SERPINB13: variants seen among roughly 807,000 people sequenced by gnomAD.
SERPINB13 encodes the protein serpin B13.
Under a neutral mutation model 31.2 loss-of-function variants are expected in SERPINB13, and 26 were observed. That is an observed-to-expected ratio of 0.83 (90% CI 0.61 to 1.15). SERPINB13 has a LOEUF of 1.15. Among genes scored for constraint, SERPINB13 ranks in the 50% most tolerant of loss-of-function variants. SERPINB13 has a pLI of 0.00. For missense variants in SERPINB13, 510 were observed against 469.4 expected (o/e 1.09, Z -0.80); for synonymous variants, 191 against 172.4 (o/e 1.11, Z -0.85).
At chr18:63,594,991 T>G in intron 6 of SERPINB13, 38 bp from the exon 7 acceptor site, 1 of 1,568,830 alleles carries the variant, frequency 6.4e-7, no homozygotes, top group South Asian at 1.2e-5. Context: ...TTTGGTCTTA[T>G]GTCCTTTGAT....
Position 63,596,748 on chromosome 18 carries a change from A to G in SERPINB13, c.772-211A>G, listed in dbSNP as rs1054572593. 8.5e-5 allele frequency among the ~76,000 whole-genome samples: 13 copies of G among 152,230 alleles called. No homozygotes were observed. The East Asian group carries it at 9.6e-4, about 11-fold the overall frequency. ...TTTTTAATCTTTAAAAATGTATTCA[A>G]TGCTATTGGATTTCCACATATACAC... On this transcript the variant is annotated intron_variant, in intron 7 of 7. Transcript: ENST00000344731.
intron 1 of SERPINB13, 91 bp from the exon 2 acceptor site, chr18:63,588,560 C>A (rs566741536): frequency 1.5e-6 from 2 of 1,307,616 alleles, no homozygotes; most frequent in Admixed American, 1.9e-5. Context: ...TATTCCGGAT[C>A]GATGCAAGAA....
At chr18:63,595,912 A>G (rs886661743) in intron 7 of SERPINB13, among the ~76,000 whole-genome samples, 4 of 134,356 alleles carry the variant, frequency 3.0e-5, no homozygotes, top group Non-Finnish European at 6.9e-5. Flanking sequence ...TTAAATAAAT[A>G]AATAAATAAA....
intron 7 of SERPINB13, among the ~76,000 whole-genome samples, chr18:63,595,475 T>C (rs553942063): frequency 8.5e-4 from 130 of 152,296 alleles, no homozygotes; most frequent in African/African-American, 3.0e-3. Flanking sequence ...ACCCCTTTCC[T>C]GGAAAAAAGA....
intron 2 of SERPINB13, among the ~76,000 whole-genome samples, chr18:63,589,179 G>GA (rs1239722489): frequency 6.6e-6 from 1 of 152,046 alleles, no homozygotes; most frequent in Non-Finnish European, 1.5e-5. Context: ...GAGTTCCTTA[G>GA]AAAAAAATTA....
intron 1 of SERPINB13, among the ~76,000 whole-genome samples, 159 bp from the exon 2 acceptor site, chr18:63,588,492 A>C (rs1434329019): frequency 6.6e-6 from 1 of 152,234 alleles, no homozygotes; most frequent in Non-Finnish European, 1.5e-5. Context: ...GAGAAGGCCA[A>C]GAGAGGACGT....
chr18:63,594,653 A>G (rs1912054985), intron 6 of SERPINB13, among the ~76,000 whole-genome samples, 156 bp downstream of exon 6: 1 of 152,212 alleles, frequency 6.6e-6, no homozygotes, highest in South Asian at 2.1e-4. Flanking sequence ...ATCCTTGCCA[A>G]CATGGTGAAA....
Position 63,597,832 on chromosome 18 carries a change from G to T in SERPINB13, c.*469G>T, listed in dbSNP as rs1042637546. 5.2e-5 allele frequency: 8 copies of T among 154,050 alleles called. No homozygotes were observed. Among genetic ancestry groups the T allele is most frequent in the African/African-American group, 1.9e-4 (8 of 41,436 alleles). The allele number at this position is 154,050 out of a possible 1,614,324, so 9.5% of individuals were successfully genotyped here. A position where few individuals can be genotyped will look rare whatever the true frequency, so the allele number is the denominator to read the frequency against. On this transcript the variant is annotated 3_prime_UTR_variant, in exon 8 of 8. Transcript: ENST00000344731. ...AAATCACACATAGGAAAGAGAATTT[G>T]GGAATACAGTAGCAAAACATAAATT...
intron 5 of SERPINB13, 34 bp downstream of exon 5, chr18:63,593,005 A>C (rs1237271101): frequency 1.5e-6 from 2 of 1,346,818 alleles, no homozygotes; most frequent in Non-Finnish European, 2.1e-6. Flanking sequence ...TTGCAAAAAA[A>C]CAAAAACAAA....
intron 1 of SERPINB13, 62 bp from the exon 2 acceptor site, chr18:63,588,589 G>T (rs1911647951): frequency 6.6e-7 from 1 of 1,505,792 alleles, no homozygotes. Context: ...GAAGCAGAAA[G>T]GATTCCCCTG....
Position 63,595,075 on chromosome 18 carries a change from G to T in SERPINB13, c.662G>T (p.Ser221Ile). The change falls in exon 7 of 8, where the codon AGC (serine) becomes ATC (isoleucine). Residue 221 changes from serine (S) to isoleucine (I), a missense_variant. Coordinates refer to ENST00000344731, the MANE Select transcript of SERPINB13 (RefSeq NM_012397.4). ...ATGATGACACAGAGCCATTCCTTTA[G>T]CTTCACTTTCCTGGAGGACTTGCAG... ...VQMMTQSHSF[S>I]FTFLEDLQAK... The T allele has an allele frequency of 6.2e-7, 1 of 1,614,018 alleles. No individual in the cohort carries two copies. The highest frequency in any genetic ancestry group is 8.5e-7 in the Non-Finnish European group (1 of 1,179,974).
chr18:63,591,509 T>G (rs1259609250), intron 3 of SERPINB13, among the ~76,000 whole-genome samples: 1 of 151,844 alleles, frequency 6.6e-6, no homozygotes, highest in African/African-American at 2.4e-5. Flanking sequence ...AATGCCAGCC[T>G]CCTAATTTGC....
Position 63,589,728 on chromosome 18 carries a change from G to A in SERPINB13, c.225+13G>A, listed in dbSNP as rs1171765802. ...AGAAAAAGAGGTGGTAAGAATAAAG[G>A]CTGAAGGAAAAGAGGTGGGGAGATG... is the stretch of plus-strand genomic sequence containing the variant. On this transcript the variant is annotated intron_variant, in intron 3 of 7. Transcript: ENST00000344731. The A allele has an allele frequency of 5.6e-6, 9 of 1,613,634 alleles. No homozygotes were observed. Among genetic ancestry groups the A allele is most frequent in the Non-Finnish European group, 7.6e-6 (9 of 1,179,678 alleles).
At chr18:63,589,237 T>A (rs1053397121) in intron 2 of SERPINB13, among the ~76,000 whole-genome samples, 6 of 152,150 alleles carry the variant, frequency 3.9e-5, no homozygotes, top group Non-Finnish European at 7.4e-5. Context: ...GCCAGGCTAG[T>A]CTTGAACTCC....
chr18:63,589,712 G>A lies in SERPINB13; in HGVS notation c.222G>A (p.Glu74=), dbSNP rs772159729. 3 of 1,613,202 alleles carry A rather than the reference G, an allele frequency of 1.9e-6. No homozygotes were observed. In the African/African-American group the frequency reaches 4.0e-5, roughly 22 times the overall value. The change falls in exon 3 of 8, where the codon GAG becomes GAA. Residue 74 remains glutamate, a synonymous_variant. Transcript: ENST00000344731. ...CAAGAATAAAGGCTGAAGAAAAAGA[G>A]GTGGTAAGAATAAAGGCTGAAGGAA... ...KSSRIKAEEK[E]VIENTEAVHQ...
rs1161481456 is a variant in SERPINB13, at chr18:63,598,310, A to G, written c.*947A>G. On this transcript the variant is annotated 3_prime_UTR_variant, in exon 8 of 8. Transcript: ENST00000344731. Reference sequence around the variant, plus strand: ...CAAACTACAATTTACATGCCGTAAAATGTACACACTGTAATTTTATAATTC... The same window carrying G: ...CAAACTACAATTTACATGCCGTAAAGTGTACACACTGTAATTTTATAATTC... The G allele has an allele frequency of 1.3e-5, 2 of 152,282 alleles. No homozygotes were observed. The highest frequency in any genetic ancestry group is 2.1e-4 in the South Asian group (1 of 4,828). 9.4% of individuals were successfully genotyped at this position (152,282 alleles called of 1,614,324 possible).
chr18:63,593,570 T>A (rs1448561217), intron 5 of SERPINB13, among the ~76,000 whole-genome samples: 1 of 152,120 alleles, frequency 6.6e-6, no homozygotes, highest in Non-Finnish European at 1.5e-5. Flanking sequence ...TCCTTTCTCA[T>A]CCCCTGGTAT....
chr18:63,594,023 C>G, intron 5 of SERPINB13: 1 of 563,654 alleles, frequency 1.8e-6, no homozygotes, highest in South Asian at 1.5e-5. Flanking sequence ...TCCTATTTTA[C>G]AGATGTGGAA....
intron 2 of SERPINB13, among the ~76,000 whole-genome samples, 186 bp from the exon 3 acceptor site, chr18:63,589,470 C>CACAT (rs151176971): frequency 3.2e-4 from 48 of 150,172 alleles, no homozygotes; most frequent in Middle Eastern, 3.5e-3. Context: ...CACACACACA[C>CACAT]ACACACACAC....
Sources: allele counts gnomAD v4.1 joint callset (sites outside exome capture counted in the v4.1 genomes callset), GRCh38; gene constraint gnomAD v4.1.1; transcripts MANE v1.5; gene names NCBI Gene and HGNC (gene_info 2026-07-23, HGNC 2026-07-21).